DSCAM: variants seen among roughly 807,000 people sequenced by gnomAD.
DSCAM encodes cell adhesion molecule DSCAM.
A neutral mutation model predicts 217.7 loss-of-function variants in DSCAM; 47 were observed. The ratio of observed to expected loss-of-function variants is 0.22; its 90% CI spans 0.17 to 0.28. The LOEUF (loss-of-function observed/expected upper bound fraction) is 0.28, where lower values mean the gene tolerates loss of function less well. DSCAM is among the 10% of genes least tolerant of loss of function. The probability of loss-of-function intolerance (pLI) is 1.00; values close to 1 mark genes in which losing one functional copy is unlikely to be tolerated. For missense variants in DSCAM, 2,080 were observed against 2,618.3 expected (o/e 0.79, Z 4.49); for synonymous variants, 1,056 against 1,015.3 (o/e 1.04, Z -0.76).
intron 20 of DSCAM, among the ~76,000 whole-genome samples, chr21:40,098,181 C>A (rs866215681): frequency 6.6e-6 from 1 of 151,778 alleles, no homozygotes; most frequent in African/African-American, 2.4e-5. Context: ...AATTTCATAA[C>A]GATAATGGGG....
At chr21:40,212,301 G>C (rs984003714) in intron 11 of DSCAM, 10 of 154,248 alleles carry the variant, frequency 6.5e-5, no homozygotes, top group Non-Finnish European at 1.5e-4. Context: ...AAAGAAGGAA[G>C]GGTGCTCAAG....
intron 20 of DSCAM, among the ~76,000 whole-genome samples, chr21:40,095,505 G>A (rs1361067487): frequency 6.6e-6 from 1 of 152,200 alleles, no homozygotes; most frequent in African/African-American, 2.4e-5. Flanking sequence ...GCAGATCGAT[G>A]GCAACATAGA....
intron 3 of DSCAM, among the ~76,000 whole-genome samples, chr21:40,647,607 C>T (rs2146352811): frequency 1.3e-5 from 2 of 152,244 alleles, no homozygotes; most frequent in African/African-American, 4.8e-5. Context: ...TTTAATAGTG[C>T]TAGCACAGTT....
At chr21:40,321,106 A>G (rs2074254451) in intron 8 of DSCAM, among the ~76,000 whole-genome samples, 1 of 152,204 alleles carries the variant, frequency 6.6e-6, no homozygotes, top group East Asian at 1.9e-4. Flanking sequence ...GATGGAAAGG[A>G]ATGTCTCTTA....
chr21:40,470,300 A>ACGTATATGT (rs1185606192), intron 3 of DSCAM, among the ~76,000 whole-genome samples: 1 of 152,228 alleles, frequency 6.6e-6, no homozygotes, highest in Non-Finnish European at 1.5e-5. Context: ...CCTTGCAGGA[A>ACGTATATGT]AAAGCTATGG....
chr21:40,142,698 C>G lies in DSCAM; in HGVS notation c.3266G>C (p.Ser1089Thr). 6.2e-7 allele frequency: 1 copy of G among 1,613,690 alleles called. No homozygotes were observed. The highest frequency in any genetic ancestry group is 8.5e-7 in the Non-Finnish European group (1 of 1,179,786). Residue 1089 changes from serine (S) to threonine (T), a missense_variant, in exon 18 of 33, where the codon AGT (serine) becomes ACT (threonine). This residue lies in a region of DSCAM where 1,144 missense variants were observed against 1,421.1 expected (regional missense o/e 0.81). Coordinates refer to ENST00000400454, the MANE Select transcript of DSCAM (RefSeq NM_001389.5). ...GGCTTGGACATTTTCGGGGGGGTAA[C>G]TGGGCACTGAAATCAAATAATTAGA... ...IITTTLEDVP[S>T]YPPENVQAIA...
chr21:40,264,385 T>C (rs1238272320), intron 11 of DSCAM, among the ~76,000 whole-genome samples: 1 of 152,148 alleles, frequency 6.6e-6, no homozygotes, highest in Non-Finnish European at 1.5e-5. Flanking sequence ...ATTCTAAAGA[T>C]GCAGGGATGG....
At chr21:40,661,478 C>T (rs117940962) in intron 3 of DSCAM, among the ~76,000 whole-genome samples, 8 of 152,296 alleles carry the variant, frequency 5.3e-5, no homozygotes, top group Non-Finnish European at 7.3e-5. Flanking sequence ...AAAATATCTG[C>T]TCTGTACCAG....
chr21:40,159,658 T>C (rs1422611161), intron 16 of DSCAM, among the ~76,000 whole-genome samples: 1 of 152,226 alleles, frequency 6.6e-6, no homozygotes, highest in Non-Finnish European at 1.5e-5. Flanking sequence ...CTTGGCTCAC[T>C]GCAGCCTCTG....
At chr21:40,489,774 CAAAAAAAAAAAAAA>C (rs35247505) in intron 3 of DSCAM, among the ~76,000 whole-genome samples, 1 of 47,180 alleles carries the variant, frequency 2.1e-5, no homozygotes, top group African/African-American at 7.8e-5. Flanking sequence ...GACTCCGTCT[CAAAAAAAAAAAAAA>C]AAAAAAAAAA....
intron 3 of DSCAM, among the ~76,000 whole-genome samples, chr21:40,388,227 AAAG>A (rs1457781053): frequency 6.6e-6 from 1 of 152,240 alleles, no homozygotes; most frequent in Non-Finnish European, 1.5e-5. Flanking sequence ...TGAGATGCAA[AAAG>A]AAGGGTGGAG....
At chr21:40,198,833 AAC>A (rs1429753236) in intron 11 of DSCAM, among the ~76,000 whole-genome samples, 6 of 152,218 alleles carry the variant, frequency 3.9e-5, no homozygotes, top group Non-Finnish European at 7.3e-5. Context: ...TCACTTGCAA[AAC>A]ACAATTTCAA....
At chr21:40,369,360 G>A (rs1211148603) in intron 3 of DSCAM, 115 bp from the exon 4 acceptor site, 2 of 983,592 alleles carry the variant, frequency 2.0e-6, no homozygotes, top group African/African-American at 3.4e-5. Flanking sequence ...TTAATGAAAA[G>A]GCTAAAAATG....
chr21:40,797,834 G>C (rs781007809), intron 1 of DSCAM, among the ~76,000 whole-genome samples: 2 of 151,846 alleles, frequency 1.3e-5, no homozygotes, highest in African/African-American at 4.8e-5. Context: ...TAATACAGTT[G>C]TAAGGATCTG....
chr21:40,726,811 TG>T (rs536853174), intron 1 of DSCAM, among the ~76,000 whole-genome samples: 3 of 152,296 alleles, frequency 2.0e-5, no homozygotes, highest in African/African-American at 7.2e-5. Context: ...ATGTAGGCTC[TG>T]CCCTCATGAA....
At chr21:40,015,510 G>A (rs1042504281) in intron 32 of DSCAM, among the ~76,000 whole-genome samples, 52 of 151,066 alleles carry the variant, frequency 3.4e-4, no homozygotes, top group African/African-American at 8.8e-4. Flanking sequence ...GCTCACTGTA[G>A]CCTCAAACTC....
intron 3 of DSCAM, among the ~76,000 whole-genome samples, chr21:40,488,336 G>A (rs966428535): frequency 2.0e-5 from 3 of 152,106 alleles, no homozygotes; most frequent in African/African-American, 4.8e-5. Context: ...TGGAGATCAC[G>A]GCTTCTCTCC....
intron 1 of DSCAM, among the ~76,000 whole-genome samples, chr21:40,750,014 A>G (rs1601209185): frequency 6.7e-6 from 1 of 149,778 alleles, no homozygotes; most frequent in Admixed American, 6.7e-5. Flanking sequence ...TGGATCCTCT[A>G]CCTCCTGGGT....
intron 12 of DSCAM, 28 bp from the exon 13 acceptor site, chr21:40,188,015 CT>C (rs779267511): frequency 9.5e-6 from 15 of 1,579,470 alleles, no homozygotes; most frequent in East Asian, 2.2e-5. Flanking sequence ...AGAAATTCAT[CT>C]TTTTCAGTAG....
Sources: gnomAD v4.1 joint callset for allele counts (sites outside exome capture counted in the v4.1 genomes callset) on GRCh38, gnomAD v4.1.1 for gene constraint, gnomAD v4.1.1 regional missense constraint, MANE v1.5 for transcripts, NCBI Gene and HGNC (gene_info 2026-07-23, HGNC 2026-07-21) for gene names.